The following HS1BP3 variants were observed in gnomAD, a reference collection of about 807,000 sequenced individuals.
The protein encoded by HS1BP3 is HCLS1-binding protein 3.
HS1BP3 carries 32 observed loss-of-function variants against 33.5 expected under a neutral mutation model. That is an observed-to-expected ratio of 0.95 (90% CI 0.72 to 1.28). The LOEUF is 1.28. Ranked by LOEUF, HS1BP3 falls within the 50% of genes most tolerant of loss-of-function variation. HS1BP3 has a pLI of 0.00. For missense variants in HS1BP3, 486 were observed against 502.3 expected, an observed-to-expected ratio of 0.97 and a Z score of 0.31; for synonymous variants, 187 against 209.2, an observed-to-expected ratio of 0.89 and a Z score of 0.92.
the HS1BP3 span, among the ~76,000 whole-genome samples, chr2:20,554,925 T>C: frequency 5.3e-5 from 8 of 152,176 alleles, no homozygotes; most frequent in Non-Finnish European, 1.0e-4. Flanking sequence ...TCTAGCTTGG[T>C]CCTAGCCCCA....
chr2:20,598,793 C>T lies in HS1BP3; in HGVS notation c.179-528G>A, dbSNP rs375840913. 2.9e-3 allele frequency among the ~76,000 whole-genome samples: 439 copies of T among 152,082 alleles called. 2 individuals carry two copies. The highest frequency in any genetic ancestry group is 8.5e-3 in the African/African-American group (351 of 41,494). On this transcript the variant is annotated intron_variant, in intron 2 of 3. Transcript: ENST00000415264. ...CGGGATGGTCTCGATCTCCTGACCT[C>T]GTGATCCGCCCGCCTCGGCCTCCCA...
At chr2:20,646,082 C>T (rs554142315) in intron 1 of HS1BP3, among the ~76,000 whole-genome samples, 3 of 152,202 alleles carry the variant, frequency 2.0e-5, no homozygotes, top group South Asian at 2.1e-4. Flanking sequence ...GAGGATGCAT[C>T]GGCAAAACAT....
At chr2:20,574,972 CT>C (rs1693365591) in intron 5 of HS1BP3, among the ~76,000 whole-genome samples, 4 of 152,322 alleles carry the variant, frequency 2.6e-5, no homozygotes, top group Middle Eastern at 6.8e-3. Flanking sequence ...GTTGGCCTTA[CT>C]TGGTTTTTGC....
At chr2:20,630,658 T>C (rs1572349790) in intron 4 of HS1BP3, among the ~76,000 whole-genome samples, 1 of 152,226 alleles carries the variant, frequency 6.6e-6, no homozygotes, top group Non-Finnish European at 1.5e-5. Flanking sequence ...GCAACAGCAA[T>C]GGGCTTCCTT....
At chr2:20,612,116 T>C (rs1249109912) in intron 2 of HS1BP3, among the ~76,000 whole-genome samples, 1 of 152,130 alleles carries the variant, frequency 6.6e-6, no homozygotes, top group Non-Finnish European at 1.5e-5. Flanking sequence ...TATACTACCC[T>C]AATGAGGCAG....
intron 4 of HS1BP3, among the ~76,000 whole-genome samples, chr2:20,628,663 G>T (rs1022381510): frequency 6.6e-6 from 1 of 151,314 alleles, no homozygotes; most frequent in Non-Finnish European, 1.5e-5. Flanking sequence ...CTGTTCATTA[G>T]CACACAGGGT....
intron 6 of HS1BP3, among the ~76,000 whole-genome samples, chr2:20,620,303 C>T (rs1431083450): frequency 6.6e-6 from 1 of 152,240 alleles, no homozygotes; most frequent in East Asian, 1.9e-4. Flanking sequence ...CCCTGAGACC[C>T]ACAGCTAGTG....
chr2:20,567,186 G>A (rs1278708399), intron 5 of HS1BP3, among the ~76,000 whole-genome samples: 2 of 151,962 alleles, frequency 1.3e-5, no homozygotes, highest in African/African-American at 4.8e-5. Context: ...TGATGTTACT[G>A]AGAAAAGGTC....
the HS1BP3 span, among the ~76,000 whole-genome samples, chr2:20,554,064 T>C: frequency 1.3e-5 from 2 of 152,156 alleles, no homozygotes; most frequent in Non-Finnish European, 2.9e-5. Flanking sequence ...GAGAATTAGA[T>C]GACATCTATG....
rs147109400 is a variant in HS1BP3, at chr2:20,620,297, G to C, written c.921-1052C>G. Reference sequence around the variant, plus strand: ...GCAGAGAGGCAAAGGGCCTTGCCCTGAGACCCACAGCTAGTGTGAGGATGA... The same window carrying C: ...GCAGAGAGGCAAAGGGCCTTGCCCTCAGACCCACAGCTAGTGTGAGGATGA... On this transcript the variant is annotated intron_variant, in intron 6 of 6. Transcript: ENST00000304031. Among the ~76,000 whole-genome samples the C allele has an allele frequency of 5.7e-3, 869 of 152,372 alleles. 3 individuals are homozygous for C. The highest frequency in any genetic ancestry group is 8.3e-3 in the Non-Finnish European group (565 of 68,032).
At chr2:20,560,780 G>A (rs1323040512) in intron 5 of HS1BP3, among the ~76,000 whole-genome samples, 1 of 152,110 alleles carries the variant, frequency 6.6e-6, no homozygotes, top group Admixed American at 6.5e-5. Flanking sequence ...TATGGCCTCC[G>A]ACTGCAGGCA....
downstream of HS1BP3, among the ~76,000 whole-genome samples, chr2:20,588,420 G>A (rs1201413789): frequency 2.6e-5 from 4 of 152,130 alleles, no homozygotes; most frequent in East Asian, 1.9e-4. Context: ...GGGTTCAAGC[G>A]ATTCTCCCGC....
intron 2 of HS1BP3, among the ~76,000 whole-genome samples, chr2:20,606,042 T>A (rs1694170005): frequency 6.6e-6 from 1 of 152,158 alleles, no homozygotes. Flanking sequence ...ATATTGACCA[T>A]ACCATTCTAC....
rs557257032 is a variant in HS1BP3 at position 20,640,910 on chromosome 2, C to T, written c.406+63G>A. The T allele has an allele frequency of 2.4e-4, 369 of 1,523,474 alleles. No homozygotes were observed. The African/African-American group carries it at 3.6e-3, about 15-fold the overall frequency. The allele number at this position is 1,523,474 out of a possible 1,614,324, so 94.4% of individuals were successfully genotyped here. ...CTGTGGACATGCTCCCACTGGGGCACGGCAGCGGGGCCTAGTTCTGGGCCG... is the reference window on the plus strand; with the variant it reads ...CTGTGGACATGCTCCCACTGGGGCATGGCAGCGGGGCCTAGTTCTGGGCCG... On this transcript the variant is annotated intron_variant, in intron 3 of 6. Transcript: ENST00000304031.
At chr2:20,557,711 C>T (rs1165291889), downstream of HS1BP3, among the ~76,000 whole-genome samples, 1 of 152,158 alleles carries the variant, frequency 6.6e-6, no homozygotes, top group East Asian at 1.9e-4. Flanking sequence ...TAGAGGCCTT[C>T]GGAGAGCATC....
chr2:20,631,553 A>AAT lies in HS1BP3; in HGVS notation c.624-6662_624-6661insAT, dbSNP rs377095058. The stretch of plus-strand genomic sequence containing the variant: ...AAAAAAAAAAAAAAAAAAAAAAAAA[A>AAT]GGGGCCAGCCAGGGAGGTCACCATG... On this transcript the variant is annotated intron_variant, in intron 4 of 6. Coordinates refer to ENST00000304031, the MANE Select transcript of HS1BP3 (RefSeq NM_022460.4). Among the ~76,000 whole-genome samples, 116 of 108,220 alleles carry AAT rather than the reference A, an allele frequency of 1.1e-3. 30 individuals carry two copies. The highest frequency in any genetic ancestry group is 1.6e-3 in the African/African-American group (47 of 29,122). 71.0% of individuals were successfully genotyped at this position (108,220 alleles called of 152,430 possible).
intron 4 of HS1BP3, chr2:20,637,182 G>A (rs1424666458): frequency 6.6e-6 from 1 of 152,282 alleles, no homozygotes; most frequent in Non-Finnish European, 1.5e-5. Flanking sequence ...GGCTAAGTGT[G>A]TTCTTCAGCC....
chr2:20,582,862 A>ACAGG (rs1304358150), intron 5 of HS1BP3, among the ~76,000 whole-genome samples: 2 of 152,166 alleles, frequency 1.3e-5, no homozygotes, highest in African/African-American at 4.8e-5. Flanking sequence ...GGGTTCAGAC[A>ACAGG]CAGGCAGGGA....
rs538543131 is a variant in HS1BP3 at position 20,571,928 on chromosome 2, A to G, written c.303-11413T>C. Among the ~76,000 whole-genome samples, 4 of 152,306 alleles carry G rather than the reference A, an allele frequency of 2.6e-5. No individual in the cohort carries two copies. In the South Asian group the frequency reaches 8.3e-4, roughly 32 times the overall value. On this transcript the variant is annotated intron_variant, in intron 5 of 5. Coordinates refer to the HS1BP3 transcript ENST00000446825. ...AGCAGGCCGGAGCACCGAGGCCAGGAATGGAGATTCCCCCTTCTCTCAGAT... is the reference window on the plus strand; with the variant it reads ...AGCAGGCCGGAGCACCGAGGCCAGGGATGGAGATTCCCCCTTCTCTCAGAT...
Sources: gnomAD v4.1 joint callset for allele counts (sites outside exome capture counted in the v4.1 genomes callset) on GRCh38, gnomAD v4.1.1 for gene constraint, MANE v1.5 for transcripts, NCBI Gene and HGNC (gene_info 2026-07-23, HGNC 2026-07-21) for gene names.